Variants in ALOX12 observed in about 807,000 individuals in gnomAD.
ALOX12 encodes the protein polyunsaturated fatty acid lipoxygenase ALOX12.
ALOX12 carries 62 observed loss-of-function variants against 85.5 expected under a neutral mutation model. The ratio of observed to expected loss-of-function variants is 0.73; its 90% CI spans 0.59 to 0.90. ALOX12 has a LOEUF of 0.90. Among genes scored for constraint, ALOX12 ranks in the 40% least tolerant of loss-of-function variants. ALOX12 has a pLI of 0.00. For synonymous variants in ALOX12, 299 were observed against 332.7 expected (o/e 0.90, Z 1.10); for missense variants, 751 against 856.5 (o/e 0.88, Z 1.54).
chr17:7,010,361 C>G lies in ALOX12; in HGVS notation c.1930C>G (p.Gln644Glu). Residue 644 changes from glutamine (Q) to glutamate (E), a missense_variant, in exon 14 of 14, where the codon CAA (glutamine) becomes GAA (glutamate). Physicochemically the swap from Gln to Glu is conservative, Grantham distance 29. Coordinates refer to ENST00000251535, the MANE Select transcript of ALOX12 (RefSeq NM_000697.3). Reference sequence around the variant, plus strand: ...AAAGGAGATTACAGCCCGGAATGAGCAACTTGACTGGCCCTATGAATATCT... The same window carrying G: ...AAAGGAGATTACAGCCCGGAATGAGGAACTTGACTGGCCCTATGAATATCT... Reference protein sequence around the residue: ...LEKEITARNEQLDWPYEYLKP... With the variant: ...LEKEITARNEELDWPYEYLKP... 1 of 1,614,232 alleles carries G rather than the reference C, an allele frequency of 6.2e-7. No homozygotes were observed. The highest frequency in any genetic ancestry group is 8.5e-7 in the Non-Finnish European group (1 of 1,180,040).
chr17:6,999,125 T>TC, intron 5 of ALOX12, 69 bp downstream of exon 5: 1 of 1,533,052 alleles, frequency 6.5e-7, no homozygotes, highest in East Asian at 2.2e-5. Context: ...CACTCCACAG[T>TC]CCCCCGTAAC....
chr17:7,006,451 C>T lies in ALOX12; in HGVS notation c.1419-35C>T, dbSNP rs759740114. ...GAGGAATAGAGGTCAGAGGCGGGGG[C>T]TTTCTGCCCTCAAGTGCCTTTTCCC... On this transcript the variant is annotated intron_variant, in intron 10 of 13. Coordinates refer to ENST00000251535, the MANE Select transcript of ALOX12 (RefSeq NM_000697.3). 3.1e-6 allele frequency: 5 copies of T among 1,608,472 alleles called. No individual in the cohort carries two copies. In the African/African-American group the frequency reaches 4.0e-5, roughly 13 times the overall value.
At chr17:6,998,102 T>G (rs1908539651) in intron 2 of ALOX12, among the ~76,000 whole-genome samples, 1 of 151,190 alleles carries the variant, frequency 6.6e-6, no homozygotes, top group South Asian at 2.1e-4. Context: ...CAGGTGAGGT[T>G]TAAGATGTGA....
In ALOX12 at chr17:7,010,135, G is replaced by T. The variant is rs1392351967; in HGVS notation, c.1812+9G>T. ...GCCGCCAGCCAGACATGGTGAGAGG[G>T]GACTCTCGGGAGAGGGAAATGACAG... On this transcript the variant is annotated intron_variant, in intron 13 of 13. Coordinates refer to ENST00000251535, the MANE Select transcript of ALOX12 (RefSeq NM_000697.3). 3.1e-6 allele frequency: 5 copies of T among 1,607,230 alleles called. No homozygotes were observed. Among genetic ancestry groups the T allele is most frequent in the African/African-American group, 2.7e-5 (2 of 74,928 alleles).
intron 2 of ALOX12, among the ~76,000 whole-genome samples, chr17:6,997,492 G>A (rs1031598879): frequency 6.6e-6 from 1 of 151,904 alleles, no homozygotes; most frequent in Non-Finnish European, 1.5e-5. Context: ...GAAGACACCC[G>A]TGAAAGACAA....
intron 7 of ALOX12, 141 bp from the exon 8 acceptor site, chr17:7,001,461 G>C: frequency 2.3e-6 from 2 of 879,948 alleles, no homozygotes; most frequent in Non-Finnish European, 3.6e-6. Context: ...CGAGCGGCAG[G>C]CTGGGAGGGT....
intron 11 of ALOX12, 91 bp downstream of exon 11, chr17:7,006,698 C>T (rs2151646013): frequency 6.8e-7 from 1 of 1,464,182 alleles, no homozygotes; most frequent in Non-Finnish European, 9.1e-7. Flanking sequence ...GGACCCCAGC[C>T]TCTCATCACG....
intron 11 of ALOX12, among the ~76,000 whole-genome samples, chr17:7,007,837 C>T (rs1411656757): frequency 3.9e-5 from 6 of 152,064 alleles, no homozygotes; most frequent in African/African-American, 1.2e-4. Context: ...GCTGAGATCA[C>T]GCCATTGCAC....
At chr17:7,001,202 C>T (rs551136950) in intron 7 of ALOX12, 11 of 182,446 alleles carry the variant, frequency 6.0e-5, no homozygotes, top group African/African-American at 1.2e-4. Context: ...CTGCCTGCCT[C>T]GGCCTCCCAA....
intron 7 of ALOX12, 94 bp from the exon 8 acceptor site, chr17:7,001,508 G>A: frequency 7.9e-7 from 1 of 1,268,032 alleles, no homozygotes; most frequent in East Asian, 2.3e-5. Context: ...CTCCTAGAAG[G>A]CAATAATCTT....
intron 11 of ALOX12, among the ~76,000 whole-genome samples, chr17:7,009,337 G>A (rs1251016981): frequency 6.6e-6 from 1 of 152,094 alleles, no homozygotes; most frequent in African/African-American, 2.4e-5. Context: ...GGGACTACAG[G>A]CGTGAGCCAC....
chr17:7,007,198 C>G (rs1909130329), intron 11 of ALOX12, among the ~76,000 whole-genome samples: 1 of 152,202 alleles, frequency 6.6e-6, no homozygotes, highest in Non-Finnish European at 1.5e-5. Context: ...GCTAATCCAA[C>G]TCTTCCACCC....
In ALOX12 at chr17:6,998,878, G is replaced by A. The variant is rs1379260940; in HGVS notation, c.542+41G>A. On this transcript the variant is annotated intron_variant, in intron 4 of 13. Coordinates refer to ENST00000251535, the MANE Select transcript of ALOX12 (RefSeq NM_000697.3). ...GACCTCGGAGTGAAATAAGGGCTGG[G>A]AGGGCCAAGAATGATGATAGACGGT... 4 of 1,614,020 alleles carry A rather than the reference G, an allele frequency of 2.5e-6. No individual in the cohort carries two copies. The Admixed American group carries it at 5.0e-5, about 20-fold the overall frequency.
intron 11 of ALOX12, among the ~76,000 whole-genome samples, chr17:7,008,270 G>C (rs1315058274): frequency 6.6e-6 from 1 of 152,104 alleles, no homozygotes; most frequent in Non-Finnish European, 1.5e-5. Flanking sequence ...TTCTCTTTCA[G>C]TTCTCATAGC....
chr17:7,002,757 T>A (rs1003191947), intron 8 of ALOX12: 4 of 223,286 alleles, frequency 1.8e-5, no homozygotes, highest in African/African-American at 1.4e-4. Context: ...ATACTTTATA[T>A]ACAGGGAACT....
Position 6,997,044 on chromosome 17 carries a change from G to T in ALOX12, c.337+17G>T. ...AGGGCACCGGTGAGCAGGCGGCGTC[G>T]GGGAAGGAGGCACAAGGTCTCGGGA... On this transcript the variant is annotated intron_variant, in intron 2 of 13. Coordinates refer to ENST00000251535, the MANE Select transcript of ALOX12 (RefSeq NM_000697.3). 1 of 1,518,132 alleles carries T rather than the reference G, an allele frequency of 6.6e-7. No homozygotes were observed. The highest frequency in any genetic ancestry group is 8.9e-7 in the Non-Finnish European group (1 of 1,129,624). The allele number at this position is 1,518,132 out of a possible 1,614,324, so 94.0% of individuals were successfully genotyped here.
intron 11 of ALOX12, 123 bp downstream of exon 11, chr17:7,006,730 G>A (rs770894374): frequency 1.7e-5 from 22 of 1,314,424 alleles, no homozygotes; most frequent in South Asian, 6.1e-5. Context: ...CCCTCCACAC[G>A]GGAAAGCATG....
At position 7,000,540 on chromosome 17, in the gene ALOX12, G is replaced by C; in HGVS notation, c.951+61G>C. ...CTGTTCACCTCAACCTCTGCTCCCA[G>C]GGACCCAACCCCCAGCTCTTGGCTC... On this transcript the variant is annotated intron_variant, in intron 7 of 13. Transcript: ENST00000251535. The surrounding 1 kb of genome is among the most constrained non-coding windows in gnomAD (Gnocchi z 4.6). 3.8e-6 allele frequency: 6 copies of C among 1,583,508 alleles called. No homozygotes were observed. The highest frequency in any genetic ancestry group is 5.2e-6 in the Non-Finnish European group (6 of 1,160,878).
intron 8 of ALOX12, among the ~76,000 whole-genome samples, chr17:7,003,148 C>A (rs1279362272): frequency 2.0e-5 from 3 of 152,184 alleles, no homozygotes; most frequent in Non-Finnish European, 4.4e-5. Context: ...CTTACAATTC[C>A]GTTTCCTAGT....
Sources: gnomAD v4.1 joint callset for allele counts (sites outside exome capture counted in the v4.1 genomes callset) on GRCh38, gnomAD v4.1.1 for gene constraint, Gnocchi (gnomAD v3.1) non-coding constraint, MANE v1.5 for transcripts, NCBI Gene and HGNC (gene_info 2026-07-23, HGNC 2026-07-21) for gene names.